Variants in PCDH15 observed in about 807,000 individuals in gnomAD.
PCDH15 encodes the protein protocadherin related 15, also known as protocadherin-15.
A neutral mutation model predicts 178.5 loss-of-function variants in PCDH15; 129 were observed. The observed-to-expected ratio is 0.72, with a 90% CI of 0.63 to 0.84. The LOEUF is 0.84. Ranked by LOEUF, PCDH15 falls within the 40% of genes least tolerant of loss-of-function variation. The pLI, the probability that PCDH15 is intolerant of heterozygous loss-of-function variation, is 0.00. For synonymous variants in PCDH15, 800 were observed against 732.0 expected (o/e 1.09, Z -1.50); for missense variants, 2,230 against 2,099.9 (o/e 1.06, Z -1.21).
rs1438609132 is a variant in PCDH15, at chr10:54,168,507, G to A, written c.1590+14937C>T. Among the ~76,000 whole-genome samples the A allele has an allele frequency of 6.7e-3, 1,011 of 150,752 alleles. 9 individuals are homozygous for A. The highest frequency in any genetic ancestry group is 0.018 in the African/African-American group (749 of 40,614). On this transcript the variant is annotated intron_variant, in intron 13 of 37. Transcript: ENST00000644397. ...TCCTCCACCCTATAATCTTTTTATC[G>A]CCTCCCCTCCTCACACCTGGTCGGG...
chr10:54,687,542 T>C (rs948396016), intron 1 of PCDH15, among the ~76,000 whole-genome samples: 9 of 152,140 alleles, frequency 5.9e-5, no homozygotes, highest in Non-Finnish European at 1.0e-4. Context: ...GGTCTAACCT[T>C]GGGCTTCTCT....
chr10:55,466,350 AT>A (rs1839830862), intron 2 of PCDH15, among the ~76,000 whole-genome samples: 2 of 152,198 alleles, frequency 1.3e-5, no homozygotes. Context: ...AATTCATTTT[AT>A]TTAAGGAGTT....
chr10:55,388,684 T>G (rs1243765587), intron 2 of PCDH15, among the ~76,000 whole-genome samples: 1 of 152,024 alleles, frequency 6.6e-6, no homozygotes, highest in Non-Finnish European at 1.5e-5. Flanking sequence ...AATCCATACC[T>G]CCAGAGACTA....
chr10:55,290,304 CT>C lies in PCDH15; in HGVS notation c.-156+29294del, dbSNP rs1053504854. On this transcript the variant is annotated intron_variant, in intron 1 of 5. Transcript: ENST00000458638. Reference sequence around the variant, plus strand: ...TATTAGAGTAATTAAATGTTTAATACTTTTAATATCTTAAACATCACAGTGT... The same window carrying C: ...TATTAGAGTAATTAAATGTTTAATACTTTAATATCTTAAACATCACAGTGT... Among the ~76,000 whole-genome samples the C allele has an allele frequency of 1.0e-4, 15 of 150,440 alleles. 1 individual carries two copies. Among genetic ancestry groups the C allele is most frequent in the African/African-American group, 3.8e-4 (15 of 39,928 alleles).
At chr10:53,992,072 G>A (rs895609143) in intron 21 of PCDH15, among the ~76,000 whole-genome samples, 2 of 151,828 alleles carry the variant, frequency 1.3e-5, no homozygotes, top group Non-Finnish European at 2.9e-5. Context: ...TTGCTGCGAA[G>A]GTCTGCAGCT....
intron 1 of PCDH15, among the ~76,000 whole-genome samples, chr10:54,770,495 TC>T (rs1206211435): frequency 6.6e-6 from 1 of 152,076 alleles, no homozygotes; most frequent in Non-Finnish European, 1.5e-5. Context: ...AGAAAGTACA[TC>T]CAACTATGTT....
At chr10:55,192,456 T>C (rs1839969447) in intron 1 of PCDH15, among the ~76,000 whole-genome samples, 1 of 151,926 alleles carries the variant, frequency 6.6e-6, no homozygotes, top group Non-Finnish European at 1.5e-5. Flanking sequence ...CGACTCAGAA[T>C]GTTTCACAGC....
upstream of PCDH15, among the ~76,000 whole-genome samples, chr10:55,324,569 A>C: frequency 6.6e-6 from 1 of 152,204 alleles, no homozygotes; most frequent in East Asian, 1.9e-4. Context: ...GTGCACCCAG[A>C]TTTATAAAGC....
At chr10:54,874,297 T>G (rs1054202643) in intron 3 of PCDH15, among the ~76,000 whole-genome samples, 2 of 147,198 alleles carry the variant, frequency 1.4e-5, no homozygotes, top group Non-Finnish European at 3.0e-5. Context: ...ACAAAGGGCA[T>G]GAACTCATCA....
intron 1 of PCDH15, among the ~76,000 whole-genome samples, chr10:55,299,886 G>A (rs1843228495): frequency 6.6e-6 from 1 of 152,112 alleles, no homozygotes; most frequent in Admixed American, 6.6e-5. Context: ...ATGAAGTTGG[G>A]TTAACAATGA....
At chr10:55,425,900 C>T (rs1010236205) in intron 2 of PCDH15, among the ~76,000 whole-genome samples, 6 of 151,950 alleles carry the variant, frequency 3.9e-5, no homozygotes, top group African/African-American at 1.2e-4. Context: ...AATTGTAAAA[C>T]GTTTCTATAT....
chr10:54,856,621 A>G (rs577145534), intron 3 of PCDH15, among the ~76,000 whole-genome samples: 3 of 152,242 alleles, frequency 2.0e-5, no homozygotes, highest in Non-Finnish European at 4.4e-5. Flanking sequence ...ATCTCTATGT[A>G]TTGACTTTTG....
intron 2 of PCDH15, among the ~76,000 whole-genome samples, chr10:54,981,336 C>T (rs777899347): frequency 5.9e-4 from 89 of 152,126 alleles, no homozygotes; most frequent in Admixed American, 3.5e-3. Flanking sequence ...GAGTCTAAAT[C>T]CCTACCTTCA....
intron 2 of PCDH15, among the ~76,000 whole-genome samples, chr10:55,152,738 T>C (rs1838766475): frequency 6.6e-6 from 1 of 152,130 alleles, no homozygotes; most frequent in African/African-American, 2.4e-5. Context: ...TAATTTGATA[T>C]TTAAAAAGAA....
intron 2 of PCDH15, among the ~76,000 whole-genome samples, chr10:54,962,819 AGCCTGCTGG>A (rs1231746926): frequency 6.6e-6 from 1 of 152,174 alleles, no homozygotes; most frequent in East Asian, 1.9e-4. Context: ...AGCCAAGAAC[AGCCTGCTGG>A]GCCAAGTGGG....
intron 2 of PCDH15, among the ~76,000 whole-genome samples, chr10:54,946,513 A>G (rs1480825992): frequency 1.3e-5 from 2 of 151,836 alleles, no homozygotes; most frequent in Non-Finnish European, 2.9e-5. Context: ...ACGCAAAAAC[A>G]TACACAATGT....
At chr10:55,137,893 G>A (rs1339840918) in intron 2 of PCDH15, among the ~76,000 whole-genome samples, 3 of 152,040 alleles carry the variant, frequency 2.0e-5, no homozygotes, top group Non-Finnish European at 2.9e-5. Flanking sequence ...AAGCTACTGG[G>A]GGCAGGAGGG....
At chr10:54,172,286 C>T (rs2046990427) in intron 13 of PCDH15, among the ~76,000 whole-genome samples, 1 of 151,960 alleles carries the variant, frequency 6.6e-6, no homozygotes, top group African/African-American at 2.4e-5. Flanking sequence ...CAGAAACACC[C>T]CCACTGAGCA....
chr10:54,005,680 A>G (rs2092360605), intron 20 of PCDH15, among the ~76,000 whole-genome samples: 1 of 152,170 alleles, frequency 6.6e-6, no homozygotes, highest in African/African-American at 2.4e-5. Flanking sequence ...AAGGATGTGG[A>G]GAAAAGGAAC....
Sources: allele counts gnomAD v4.1 joint callset (sites outside exome capture counted in the v4.1 genomes callset), GRCh38; gene constraint gnomAD v4.1.1; transcripts MANE v1.5; gene names NCBI Gene and HGNC (gene_info 2026-07-23, HGNC 2026-07-21).